BPIFB2: variants seen among roughly 807,000 people sequenced by gnomAD.
BPIFB2 encodes BPI fold containing family B member 2.
In BPIFB2, 39 loss-of-function variants were observed where a neutral mutation model predicts 50.1. The observed-to-expected ratio is 0.78, with a 90% CI of 0.60 to 1.02. The LOEUF (loss-of-function observed/expected upper bound fraction) is 1.02. Among genes scored for constraint, BPIFB2 ranks in the 50% least tolerant of loss-of-function variants. BPIFB2 has a pLI of 0.00. For synonymous variants in BPIFB2, 280 were observed against 256.3 expected (o/e 1.09, Z -0.88); for missense variants, 574 against 585.8 (o/e 0.98, Z 0.21).
intron 14 of BPIFB2, among the ~76,000 whole-genome samples, 182 bp from the exon 15 acceptor site, chr20:33,021,541 T>A (rs1437036217): frequency 6.6e-6 from 1 of 152,238 alleles, no homozygotes; most frequent in East Asian, 1.9e-4. Flanking sequence ...ACCAAGCAGC[T>A]GTGTGATCTT....
chr20:33,014,794 C>G (rs544098788), intron 5 of BPIFB2, among the ~76,000 whole-genome samples: 2 of 152,222 alleles, frequency 1.3e-5, no homozygotes, highest in Admixed American at 1.3e-4. Flanking sequence ...GTGTGACTCA[C>G]GACCCCTCAC....
chr20:33,008,099 C>T (rs1324926998), intron 1 of BPIFB2, among the ~76,000 whole-genome samples: 1 of 152,166 alleles, frequency 6.6e-6, no homozygotes, highest in East Asian at 1.9e-4. Flanking sequence ...CTGGGTCCTC[C>T]CCTGGCTGAA....
intron 1 of BPIFB2, among the ~76,000 whole-genome samples, chr20:33,007,996 C>G (rs1600509130): frequency 6.6e-6 from 1 of 152,178 alleles, no homozygotes; most frequent in East Asian, 1.9e-4. Context: ...CCTATTTGGC[C>G]AGACTGAGTC....
rs764411071 is a variant in BPIFB2 at position 33,019,586 on chromosome 20, C to T, written c.916C>T (p.Arg306Cys). The change falls in exon 11 of 16, where the codon CGC becomes TGC. Residue 306 changes from arginine (R) to cysteine (C), a missense_variant. Arg to Cys is a radical substitution (Grantham distance 180). Transcript: ENST00000170150. ...ALGRLIPEVA[R>C]QFPEPMPVVL... is the part of the protein sequence containing the mutation. Reference sequence around the variant, plus strand: ...TCCGCCTCTGCCTCCCCAGGTGGCCCGCCAGTTTCCCGAGCCCATGCCTGT... The same window carrying T: ...TCCGCCTCTGCCTCCCCAGGTGGCCTGCCAGTTTCCCGAGCCCATGCCTGT... 25 of 1,582,354 alleles carry T rather than the reference C, an allele frequency of 1.6e-5. No individual in the cohort carries two copies. Among genetic ancestry groups the T allele is most frequent in the East Asian group, 9.1e-5 (4 of 44,152 alleles).
At position 33,021,287 on chromosome 20, in the gene BPIFB2, C is replaced by G. The variant is rs1297153070; in HGVS notation, c.1201C>G (p.Gln401Glu). 7.4e-6 allele frequency: 12 copies of G among 1,613,882 alleles called. No homozygotes were observed. Among genetic ancestry groups the G allele is most frequent in the Non-Finnish European group, 7.6e-6 (9 of 1,180,002 alleles). The change falls in exon 14 of 16, where the codon CAG becomes GAG. Residue 401 changes from glutamine to glutamate, a missense_variant. Physicochemically the swap from Gln to Glu is conservative, Grantham distance 29 (BLOSUM62 2). Coordinates refer to ENST00000170150, the MANE Select transcript of BPIFB2 (RefSeq NM_025227.3). Reference sequence around the variant, plus strand: ...CCTGGCTCCGTGGCCACAGACAGATCAGGTGCGCACACTGATGGGCACCGT... The same window carrying G: ...CCTGGCTCCGTGGCCACAGACAGATGAGGTGCGCACACTGATGGGCACCGT... ...SSNVGFIDTD[Q>E]VRTLMGTVFE... is the part of the protein sequence containing the mutation.
Position 33,013,949 on chromosome 20 carries a change from A to C in BPIFB2, c.448A>C (p.Ser150Arg). The C allele has an allele frequency of 1.9e-6, 3 of 1,613,436 alleles. No individual in the cohort carries two copies. The highest frequency in any genetic ancestry group is 2.5e-6 in the Non-Finnish European group (3 of 1,179,436). The change falls in exon 5 of 16, where the codon AGT becomes CGT. Residue 150 changes from serine to arginine, a missense_variant. Transcript: ENST00000170150. The stretch of plus-strand genomic sequence containing the variant: ...GGGCCACGCCAACGAGTTTGATGGC[A>C]GTAACAGGTGGGTGCCTGGTGAGGG... The part of the protein sequence containing the change: ...FSGHANEFDG[S>R]NSTSHALLVL...
intron 7 of BPIFB2, 97 bp downstream of exon 7, chr20:33,017,199 T>C (rs1978466298): frequency 8.9e-7 from 1 of 1,128,252 alleles, no homozygotes; most frequent in South Asian, 1.4e-5. Context: ...ACGGTCGACC[T>C]CTAGGAGAGT....
intron 4 of BPIFB2, among the ~76,000 whole-genome samples, chr20:33,013,266 C>T (rs1488982510): frequency 2.0e-5 from 3 of 152,128 alleles, no homozygotes; most frequent in Non-Finnish European, 2.9e-5. Flanking sequence ...ACATGAGAGA[C>T]GCTCAATAAG....
In BPIFB2 at chr20:33,009,951, GGTGTGA is replaced by G. The variant is rs1990263453; in HGVS notation, c.110-1070_110-1065del. On this transcript the variant is annotated intron_variant, in intron 2 of 15. Transcript: ENST00000170150. This position sits in a 1 kb window ranked among gnomAD's most constrained non-coding sequence, Gnocchi z 4.2. ...CACTGTAGATGGAGTCTGAGGTCTGGGTGTGAGTTCCAGCTCAGCTGCAGATGGTTA... is the reference window on the plus strand; with the variant it reads ...CACTGTAGATGGAGTCTGAGGTCTGGGTTCCAGCTCAGCTGCAGATGGTTA... Among the ~76,000 whole-genome samples the G allele has an allele frequency of 1.3e-5, 2 of 152,236 alleles. No individual in the cohort carries two copies. The highest frequency in any genetic ancestry group is 4.1e-4 in the South Asian group (2 of 4,836).
At position 33,009,215 on chromosome 20, in the gene BPIFB2, C is replaced by A. The variant is rs773227419; in HGVS notation, c.109+532C>A. ...AAAGTTATATCCCTTCTGAGCTCAG[C>A]GTGAGAGAACCATCCGCTCTCTGGG... On this transcript the variant is annotated intron_variant, in intron 2 of 15. Transcript: ENST00000170150. This position sits in a 1 kb window ranked among gnomAD's most constrained non-coding sequence, Gnocchi z 4.2. 6.6e-6 allele frequency among the ~76,000 whole-genome samples: 1 copy of A among 152,118 alleles called. No homozygotes were observed. The highest frequency in any genetic ancestry group is 1.5e-5 in the Non-Finnish European group (1 of 68,024).
At chr20:33,023,180 C>T (rs578186010) in intron 15 of BPIFB2, among the ~76,000 whole-genome samples, 162 bp from the exon 16 acceptor site, 2 of 152,278 alleles carry the variant, frequency 1.3e-5, no homozygotes, top group East Asian at 1.9e-4. Flanking sequence ...GTTACTACCC[C>T]CAAAGTGACA....
At chr20:33,022,493 G>A (rs544537582) in intron 15 of BPIFB2, among the ~76,000 whole-genome samples, 4 of 152,282 alleles carry the variant, frequency 2.6e-5, no homozygotes, top group Admixed American at 2.6e-4. Flanking sequence ...AGGGCTCTGT[G>A]GGGATTTCCC....
chr20:33,020,624 C>T lies in BPIFB2; in HGVS notation c.1194+37C>T, dbSNP rs369393086. ...GCTGGGGCCTCTAGAAACCCCCGTC[C>T]TGGGTAGGGCACACCTTGAGCCTGG... On this transcript the variant is annotated intron_variant, in intron 13 of 15. Transcript: ENST00000170150. 8 of 1,561,176 alleles carry T rather than the reference C, an allele frequency of 5.1e-6. No individual in the cohort carries two copies. In the African/African-American group the frequency reaches 1.1e-4, roughly 21 times the overall value.
intron 6 of BPIFB2, among the ~76,000 whole-genome samples, chr20:33,016,474 C>T (rs1042250039): frequency 2.0e-5 from 3 of 152,218 alleles, no homozygotes; most frequent in Non-Finnish European, 4.4e-5. Context: ...TGCCCAGTCT[C>T]GCCAGCTCTT....
Position 33,020,572 on chromosome 20 carries a change from C to A in BPIFB2, c.1179C>A (p.Asn393Lys). ...GDVQLTVASS[N>K]VGFIDTDQVR... Reference sequence around the variant, plus strand: ...TCCAGCTCACGGTGGCCTCCTCCAACGTGGGCTTCATTGATGTGAGTGTGG... The same window carrying A: ...TCCAGCTCACGGTGGCCTCCTCCAAAGTGGGCTTCATTGATGTGAGTGTGG... The change falls in exon 13 of 16, where the codon AAC becomes AAA. Residue 393 changes from asparagine to lysine, a missense_variant. Coordinates refer to ENST00000170150, the MANE Select transcript of BPIFB2 (RefSeq NM_025227.3). 1.9e-6 allele frequency: 3 copies of A among 1,609,036 alleles called. No homozygotes were observed. In the South Asian group the frequency reaches 3.3e-5, roughly 18 times the overall value.
At position 33,008,987 on chromosome 20, in the gene BPIFB2, T is replaced by G. The variant is rs559973223; in HGVS notation, c.109+304T>G. The stretch of plus-strand genomic sequence containing the variant: ...GGGGCTATTTTTACCTGTGTGTGTC[T>G]ACTTATGAGTTTGAAATTTCATAGA... On this transcript the variant is annotated intron_variant, in intron 2 of 15. Transcript: ENST00000170150. 4.2e-4 allele frequency among the ~76,000 whole-genome samples: 64 copies of G among 152,342 alleles called. 1 individual carries two copies. The highest frequency in any genetic ancestry group is 1.4e-3 in the African/African-American group (60 of 41,574).
rs1279804075 is a variant in BPIFB2, at chr20:33,018,266, C to A, written c.585C>A (p.Asn195Lys). ...TACCCTGGTTTCATGAAGGCCTCAA[C>A]CCCGTGGGTCCTGAGTCCCAGATCC... ...NVHLGTLIGL[N>K]PVGPESQIRY... Residue 195 changes from asparagine (N) to lysine (K), a missense_variant, in exon 8 of 16, where the codon AAC becomes AAA. Asn to Lys is a moderately conservative substitution (Grantham distance 94). Coordinates refer to ENST00000170150, the MANE Select transcript of BPIFB2 (RefSeq NM_025227.3). The A allele has an allele frequency of 2.5e-6, 4 of 1,612,716 alleles. No individual in the cohort carries two copies. The highest frequency in any genetic ancestry group is 1.7e-5 in the Admixed American group (1 of 59,966).
At chr20:33,018,964 C>T (rs777391923) in intron 9 of BPIFB2, 98 bp from the exon 10 acceptor site, 169 of 1,585,114 alleles carry the variant, frequency 1.1e-4, no homozygotes, top group Admixed American at 1.8e-4. Flanking sequence ...AAGGGTTAAA[C>T]GGGGGCTATG....
In BPIFB2 at chr20:33,015,599, T is replaced by TAAAA. The variant is rs35897534; in HGVS notation, c.516+114_516+117dup. ...AGGCAGGGGGTACTTTGCTTGGGAT[T>TAAAA]AAAAAAAAAAAAAAGACGCCCCTTC... is the stretch of plus-strand genomic sequence containing the variant. On this transcript the variant is annotated intron_variant, in intron 6 of 15. Transcript: ENST00000170150. 346 of 767,454 alleles carry TAAAA rather than the reference T, an allele frequency of 4.5e-4. 1 individual carries two copies. In the African/African-American group the frequency reaches 5.3e-3, roughly 12 times the overall value. The allele number at this position is 767,454 out of a possible 1,614,324, so 47.5% of individuals were successfully genotyped here. A position where few individuals can be genotyped will look rare whatever the true frequency, so the allele number is the denominator to read the frequency against.
Sources: allele counts gnomAD v4.1 joint callset (sites outside exome capture counted in the v4.1 genomes callset), GRCh38; gene constraint gnomAD v4.1.1; non-coding constraint Gnocchi (gnomAD v3.1); transcripts MANE v1.5; gene names NCBI Gene and HGNC (gene_info 2026-07-23, HGNC 2026-07-21).